Variants in DOCK3 observed in about 807,000 individuals in gnomAD.
DOCK3 encodes the protein dedicator of cytokinesis protein 3.
Under a neutral mutation model 265.6 loss-of-function variants are expected in DOCK3, and 60 were observed. That is an observed-to-expected ratio of 0.23 (90% CI 0.18 to 0.28). DOCK3 has a LOEUF of 0.28. Ranked by LOEUF, DOCK3 falls within the 10% of genes least tolerant of loss-of-function variation. The pLI, the probability that DOCK3 is intolerant of heterozygous loss-of-function variation, is 1.00. For synonymous variants in DOCK3, 881 were observed against 938.0 expected, an observed-to-expected ratio of 0.94 and a Z score of 1.11; for missense variants, 1,981 against 2,594.3, an observed-to-expected ratio of 0.76 and a Z score of 5.14.
At chr3:51,328,202 G>GACTGTTGTACCCTGTTTAC (rs2084276951) in intron 32 of DOCK3, among the ~76,000 whole-genome samples, 1 of 152,120 alleles carries the variant, frequency 6.6e-6, no homozygotes, top group Non-Finnish European at 1.5e-5. Flanking sequence ...GGCGCCAGTG[G>GACTGTTGTACCCTGTTTAC]ACTGTTGTAC....
chr3:50,724,546 A>G (rs1162602079), intron 1 of DOCK3, among the ~76,000 whole-genome samples: 2 of 152,206 alleles, frequency 1.3e-5, no homozygotes, highest in Non-Finnish European at 2.9e-5. Flanking sequence ...TTGCAGGGAC[A>G]TGGATGAAAC....
intron 4 of DOCK3, among the ~76,000 whole-genome samples, chr3:50,915,326 A>G (rs2050059802): frequency 1.3e-5 from 2 of 152,034 alleles, no homozygotes; most frequent in Admixed American, 6.5e-5. Flanking sequence ...GGTCAGGTAC[A>G]GGGGCAGAAT....
chr3:50,697,360 T>C (rs71326944), intron 1 of DOCK3, among the ~76,000 whole-genome samples: 14,344 of 151,746 alleles, frequency 0.095, 837 homozygotes, highest in Non-Finnish European at 0.12. Flanking sequence ...GAGGCCGAGG[T>C]GGGTGGATCA....
intron 2 of DOCK3, among the ~76,000 whole-genome samples, chr3:50,805,886 C>A (rs1475104936): frequency 6.6e-6 from 1 of 151,998 alleles, no homozygotes; most frequent in Non-Finnish European, 1.5e-5. Flanking sequence ...TCATTGGCAA[C>A]CTGTAGGGCT....
intron 9 of DOCK3, among the ~76,000 whole-genome samples, chr3:51,137,357 G>A (rs761127648): frequency 6.6e-5 from 10 of 152,150 alleles, no homozygotes; most frequent in African/African-American, 1.9e-4. Context: ...ATGGAGGACC[G>A]AATGAGGAAC....
chr3:50,960,409 G>A (rs1390021544), intron 5 of DOCK3, among the ~76,000 whole-genome samples: 2 of 151,770 alleles, frequency 1.3e-5, no homozygotes, highest in Non-Finnish European at 2.9e-5. Context: ...TGTGAGAAAT[G>A]GTATCTCGTA....
chr3:50,743,430 T>C (rs1427496053), intron 1 of DOCK3, among the ~76,000 whole-genome samples: 1 of 149,256 alleles, frequency 6.7e-6, no homozygotes, highest in Non-Finnish European at 1.5e-5. Flanking sequence ...CCCATCAGTG[T>C]GCTGTATTCA....
intron 2 of DOCK3, among the ~76,000 whole-genome samples, chr3:50,815,751 T>C (rs150353581): frequency 1.3e-3 from 204 of 152,292 alleles, no homozygotes; most frequent in African/African-American, 4.7e-3. Flanking sequence ...ATTGCTTCAG[T>C]CAAAAGACAA....
intron 5 of DOCK3, among the ~76,000 whole-genome samples, chr3:50,956,559 C>T (rs1368083848): frequency 6.6e-6 from 1 of 152,116 alleles, no homozygotes; most frequent in Non-Finnish European, 1.5e-5. Flanking sequence ...ATCCATTATT[C>T]CATTTTATGT....
chr3:50,893,890 G>A (rs1379745542), intron 4 of DOCK3, among the ~76,000 whole-genome samples: 1 of 148,704 alleles, frequency 6.7e-6, no homozygotes, highest in East Asian at 2.0e-4. Context: ...ACCAAACACC[G>A]TGTGTTCTCA....
intron 5 of DOCK3, among the ~76,000 whole-genome samples, chr3:50,961,305 G>A (rs1455601786): frequency 6.6e-6 from 1 of 152,150 alleles, no homozygotes; most frequent in East Asian, 1.9e-4. Context: ...ATGTTACACT[G>A]AGTAATATCT....
rs1386447743 is a variant in DOCK3 at position 50,675,374 on chromosome 3, G to A, written c.37+74G>A. On this transcript the variant is annotated intron_variant, in intron 1 of 52. Transcript: ENST00000266037. The surrounding 1 kb of genome is among the most constrained non-coding windows in gnomAD (Gnocchi z 6.1). ...CCAGCTCCCGGCCCCGCCTGGATTCGCATCCTCGTGCCCCCGCCACTGCCC... is the reference window on the plus strand; with the variant it reads ...CCAGCTCCCGGCCCCGCCTGGATTCACATCCTCGTGCCCCCGCCACTGCCC... 33 of 1,139,702 alleles carry A rather than the reference G, an allele frequency of 2.9e-5. No individual in the cohort carries two copies. Among genetic ancestry groups the A allele is most frequent in the Non-Finnish European group, 3.1e-5 (28 of 913,642 alleles). The allele number at this position is 1,139,702 out of a possible 1,614,324, so 70.6% of individuals were successfully genotyped here.
intron 3 of DOCK3, among the ~76,000 whole-genome samples, chr3:50,842,365 A>G (rs888782291): frequency 2.0e-5 from 3 of 152,300 alleles, no homozygotes; most frequent in African/African-American, 7.2e-5. Flanking sequence ...TTGTTTGTAT[A>G]GAAAAATACC....
intron 2 of DOCK3, among the ~76,000 whole-genome samples, chr3:50,818,009 G>GGAACAGGGT: frequency 6.6e-6 from 1 of 152,212 alleles, no homozygotes; most frequent in East Asian, 1.9e-4. Flanking sequence ...CTCTGCCGTT[G>GGAACAGGGT]TCCTGGCTGC....
intron 7 of DOCK3, among the ~76,000 whole-genome samples, chr3:51,087,365 A>G (rs2082464994): frequency 6.6e-6 from 1 of 152,234 alleles, no homozygotes; most frequent in Admixed American, 6.5e-5. Context: ...CATCACATTG[A>G]CAGAATGAAG....
chr3:50,855,081 T>G (rs1395252411), intron 3 of DOCK3, among the ~76,000 whole-genome samples: 1 of 152,170 alleles, frequency 6.6e-6, no homozygotes, highest in Admixed American at 6.5e-5. Context: ...GGGTTTGTTC[T>G]TTTTGCTTTG....
At chr3:50,970,586 G>C (rs1174356949) in intron 5 of DOCK3, among the ~76,000 whole-genome samples, 1 of 151,610 alleles carries the variant, frequency 6.6e-6, no homozygotes, top group Non-Finnish European at 1.5e-5. Flanking sequence ...ATTGTCTTCA[G>C]TGAACATTTT....
intron 35 of DOCK3, chr3:51,337,034 C>T (rs1269061174): frequency 1.3e-5 from 5 of 390,258 alleles, no homozygotes; most frequent in South Asian, 1.9e-5. Flanking sequence ...GCTCTGCTAG[C>T]GCTAAAGGGA....
At chr3:51,212,831 C>T (rs543186741) in intron 13 of DOCK3, among the ~76,000 whole-genome samples, 103 of 152,192 alleles carry the variant, frequency 6.8e-4, no homozygotes, top group Admixed American at 1.3e-3. Context: ...GCACTGTGAT[C>T]CTGGTGTTAA....
Sources: allele counts gnomAD v4.1 joint callset (sites outside exome capture counted in the v4.1 genomes callset), GRCh38; gene constraint gnomAD v4.1.1; non-coding constraint Gnocchi (gnomAD v3.1); transcripts MANE v1.5; gene names NCBI Gene and HGNC (gene_info 2026-07-23, HGNC 2026-07-21).